The following CAPN13 variants were observed in gnomAD, a reference collection of about 807,000 sequenced individuals.
The protein encoded by CAPN13 is calpain 13.
Under a neutral mutation model 98.4 loss-of-function variants are expected in CAPN13, and 90 were observed. The observed-to-expected ratio is 0.92, with a 90% CI of 0.77 to 1.09. CAPN13 has a LOEUF of 1.09. Among genes scored for constraint, CAPN13 ranks in the 50% least tolerant of loss-of-function variants. The pLI is 0.00. For missense variants in CAPN13, 887 were observed against 841.3 expected, an observed-to-expected ratio of 1.05 and a Z score of -0.67; for synonymous variants, 330 against 305.5, an observed-to-expected ratio of 1.08 and a Z score of -0.84.
intron 2 of CAPN13, among the ~76,000 whole-genome samples, chr2:30,784,523 A>T (rs2090734): frequency 0.5 from 75,432 of 152,122 alleles, 19,881 homozygotes; most frequent in South Asian, 0.65. Flanking sequence ...AAGGGAAAAA[A>T]GGGCAGAACA....
intron 15 of CAPN13, chr2:30,741,687 C>T (rs1671665169): frequency 7.2e-7 from 1 of 1,397,002 alleles, no homozygotes; most frequent in Non-Finnish European, 9.3e-7. Flanking sequence ...CTCTGCATTC[C>T]AGCTTGAAGT....
chr2:30,758,453 G>A (rs1672574138), intron 7 of CAPN13, among the ~76,000 whole-genome samples: 1 of 152,198 alleles, frequency 6.6e-6, no homozygotes, highest in Non-Finnish European at 1.5e-5. Context: ...AAACAGCAGG[G>A]GATGTTGCTT....
At chr2:30,759,213 GC>G (rs1303066938) in intron 7 of CAPN13, among the ~76,000 whole-genome samples, 1 of 134,046 alleles carries the variant, frequency 7.5e-6, no homozygotes, top group African/African-American at 2.8e-5. Context: ...TTTACCCCCT[GC>G]CTTCCCTCTT....
intron 5 of CAPN13, 85 bp from the exon 6 acceptor site, chr2:30,764,391 T>C (rs1673008194): frequency 6.8e-7 from 1 of 1,464,878 alleles, no homozygotes; most frequent in Non-Finnish European, 9.3e-7. Context: ...CCTCTGCCTA[T>C]TTCCCAGGTA....
At chr2:30,761,674 A>G (rs1262096293) in intron 7 of CAPN13, among the ~76,000 whole-genome samples, 3 of 152,236 alleles carry the variant, frequency 2.0e-5, no homozygotes, top group African/African-American at 7.2e-5. Context: ...GGTATTACTA[A>G]TTGATAACAG....
intron 12 of CAPN13, chr2:30,743,780 A>C (rs1572802279): frequency 1.5e-6 from 1 of 685,962 alleles, no homozygotes; most frequent in East Asian, 2.8e-5. Flanking sequence ...CCCTGGACAC[A>C]ATGGATGCAA....
chr2:30,764,864 T>C (rs927652688), intron 5 of CAPN13, among the ~76,000 whole-genome samples: 9 of 152,138 alleles, frequency 5.9e-5, no homozygotes, highest in Admixed American at 3.9e-4. Flanking sequence ...GCAGTGGACA[T>C]TGGGAGCCAC....
At chr2:30,771,350 AT>A (rs1195362659) in intron 4 of CAPN13, among the ~76,000 whole-genome samples, 1 of 152,198 alleles carries the variant, frequency 6.6e-6, no homozygotes, top group Non-Finnish European at 1.5e-5. Flanking sequence ...GGGATCGCTT[AT>A]CCACGTGGCC....
At chr2:30,760,024 G>A (rs1012394725) in intron 7 of CAPN13, among the ~76,000 whole-genome samples, 8 of 152,184 alleles carry the variant, frequency 5.3e-5, no homozygotes, top group South Asian at 2.1e-4. Context: ...CACGAACCCA[G>A]GTTTTCCACC....
chr2:30,754,408 A>C, intron 8 of CAPN13, 44 bp from the exon 9 acceptor site: 2 of 1,539,322 alleles, frequency 1.3e-6, no homozygotes, highest in Non-Finnish European at 1.8e-6. Flanking sequence ...TTTCCAGTGC[A>C]TTTTTTCTCA....
intron 5 of CAPN13, 45 bp from the exon 6 acceptor site, chr2:30,764,351 A>T: frequency 6.3e-7 from 1 of 1,597,538 alleles, no homozygotes; most frequent in Admixed American, 1.7e-5. Flanking sequence ...CTTTGGTGAG[A>T]TGCTCTGGGA....
At chr2:30,767,294 G>C (rs1220865444) in intron 5 of CAPN13, among the ~76,000 whole-genome samples, 2 of 152,166 alleles carry the variant, frequency 1.3e-5, no homozygotes, top group African/African-American at 4.8e-5. Flanking sequence ...TTTTTGGATA[G>C]TGAGGGGTGG....
chr2:30,749,913 A>G (rs1460258220), intron 11 of CAPN13, among the ~76,000 whole-genome samples: 1 of 152,158 alleles, frequency 6.6e-6, no homozygotes, highest in Non-Finnish European at 1.5e-5. Flanking sequence ...TTTCTTTTAA[A>G]TGATATTTAA....
At position 30,726,723 on chromosome 2, in the gene CAPN13, A is replaced by G. The variant is rs1670869075; in HGVS notation, c.*31-3487T>C. Among the ~76,000 whole-genome samples, 3 of 152,140 alleles carry G rather than the reference A, an allele frequency of 2.0e-5. No homozygotes were observed. In the South Asian group the frequency reaches 6.2e-4, roughly 31 times the overall value. ...TCATTGTTCAAAAAAATTAAAGAAG[A>G]TATAGAAAAATGAAGAGACGCATGG... On this transcript the variant is annotated intron_variant, in intron 22 of 22. Coordinates refer to ENST00000295055, the MANE Select transcript of CAPN13 (RefSeq NM_144575.3).
At chr2:30,727,453 A>G (rs187068952) in intron 22 of CAPN13, among the ~76,000 whole-genome samples, 10 of 152,374 alleles carry the variant, frequency 6.6e-5, no homozygotes, top group Admixed American at 5.2e-4. Context: ...AAGAACATCT[A>G]TAACTCCTCT....
intron 1 of CAPN13, among the ~76,000 whole-genome samples, chr2:30,791,768 T>G (rs1674620336): frequency 6.6e-6 from 1 of 152,220 alleles, no homozygotes; most frequent in Non-Finnish European, 1.5e-5. Context: ...CATGATACTT[T>G]GTTGAAAAAT....
intron 2 of CAPN13, among the ~76,000 whole-genome samples, chr2:30,783,659 C>G (rs896074144): frequency 6.6e-6 from 1 of 152,162 alleles, no homozygotes; most frequent in Non-Finnish European, 1.5e-5. Context: ...ACCTGCCAAG[C>G]TGGGATGAAT....
intron 10 of CAPN13, 80 bp from the exon 11 acceptor site, chr2:30,751,331 T>C: frequency 6.7e-7 from 1 of 1,501,354 alleles, no homozygotes; most frequent in Non-Finnish European, 9.1e-7. Context: ...TGCAGAGAGT[T>C]CTGTGGGGTT....
intron 6 of CAPN13, 36 bp from the exon 7 acceptor site, chr2:30,763,192 C>T: frequency 1.9e-6 from 3 of 1,569,720 alleles, no homozygotes; most frequent in Non-Finnish European, 2.6e-6. Flanking sequence ...CATTAGACAT[C>T]TACAGGTTCT....
Sources: gnomAD v4.1 joint callset for allele counts (sites outside exome capture counted in the v4.1 genomes callset) on GRCh38, gnomAD v4.1.1 for gene constraint, MANE v1.5 for transcripts, NCBI Gene and HGNC (gene_info 2026-07-23, HGNC 2026-07-21) for gene names.